Variants in CLIP2 observed in about 807,000 individuals in gnomAD.
CLIP2 encodes CAP-Gly domain containing linker protein 2.
A neutral mutation model predicts 111.7 loss-of-function variants in CLIP2; 41 were observed. The ratio of observed to expected loss-of-function variants is 0.37; its 90% CI spans 0.29 to 0.48. The LOEUF (loss-of-function observed/expected upper bound fraction) is 0.48. CLIP2 is among the 20% of genes least tolerant of loss of function. The pLI is 0.99. For missense variants in CLIP2, 1,160 were observed against 1,422.1 expected (o/e 0.82, Z 2.96); for synonymous variants, 660 against 644.2 (o/e 1.02, Z -0.37).
Position 74,370,284 on chromosome 7 carries a change from G to A in CLIP2, c.1381-2648G>A, listed in dbSNP as rs1306296017. Among the ~76,000 whole-genome samples, 4 of 151,412 alleles carry A rather than the reference G, an allele frequency of 2.6e-5. No homozygotes were observed. The East Asian group carries it at 7.8e-4, about 30-fold the overall frequency. ...ATCCTGGCTACCATGGTGAAACCCT[G>A]TCTCTACTAAAAATACAAAAAATTA... is the stretch of plus-strand genomic sequence containing the variant. On this transcript the variant is annotated intron_variant, in intron 8 of 16. Coordinates refer to ENST00000223398, the MANE Select transcript of CLIP2 (RefSeq NM_003388.5).
rs782548580 is a variant in CLIP2, at chr7:74,317,611, G to A, written c.65G>A (p.Arg22Gln). 5.2e-6 allele frequency: 8 copies of A among 1,524,980 alleles called. No individual in the cohort carries two copies. The highest frequency in any genetic ancestry group is 2.5e-5 in the East Asian group (1 of 39,312). 94.5% of individuals were successfully genotyped at this position (1,524,980 alleles called of 1,614,324 possible). A position where few individuals can be genotyped will look rare whatever the true frequency, so the allele number is the denominator to read the frequency against. ...GGGAAGCACTCCAGCCCCATGGGCC[G>A]GACATCTACTGGGTCAGCTTCATCC... ...RGGKHSSPMG[R>Q]TSTGSASSSA... Residue 22 changes from arginine (R) to glutamine (Q), a missense_variant, in exon 2 of 17, where the codon CGG becomes CAG. Physicochemically the swap from Arg to Gln is conservative, Grantham distance 43 (BLOSUM62 1). Transcript: ENST00000223398.
At chr7:74,392,307 C>T (rs1330280053) in intron 13 of CLIP2, among the ~76,000 whole-genome samples, 4 of 146,922 alleles carry the variant, frequency 2.7e-5, no homozygotes, top group African/African-American at 7.6e-5. Context: ...GCCAAGATCA[C>T]GCCGCTGCAC....
intron 1 of CLIP2, among the ~76,000 whole-genome samples, chr7:74,299,002 A>G (rs1554726402): frequency 6.6e-6 from 1 of 152,056 alleles, no homozygotes; most frequent in South Asian, 2.1e-4. Flanking sequence ...GATGACTAAC[A>G]TGCAGTTCCC....
chr7:74,304,033 C>T (rs1554727313), intron 1 of CLIP2, among the ~76,000 whole-genome samples: 1 of 151,954 alleles, frequency 6.6e-6, no homozygotes, highest in African/African-American at 2.4e-5. Context: ...CCCACCTTAG[C>T]CTCCTAAGTA....
At chr7:74,310,580 C>T (rs229878) in intron 1 of CLIP2, among the ~76,000 whole-genome samples, 90,672 of 151,964 alleles carry the variant, frequency 0.6, 29,703 homozygotes, top group Non-Finnish European at 0.74. Context: ...TGTACAGGCA[C>T]TGGTTGATGG....
chr7:74,309,622 C>T (rs1473627789), intron 1 of CLIP2, among the ~76,000 whole-genome samples: 5 of 151,300 alleles, frequency 3.3e-5, no homozygotes, highest in African/African-American at 1.2e-4. Context: ...CTTTGGGAGG[C>T]TGAGGCGGGT....
chr7:74,311,898 C>G (rs1788648235), intron 1 of CLIP2, among the ~76,000 whole-genome samples: 2 of 138,894 alleles, frequency 1.4e-5, no homozygotes, highest in Non-Finnish European at 3.1e-5. Flanking sequence ...GGCGATAGAG[C>G]AAGACCACAT....
intron 8 of CLIP2, 58 bp from the exon 9 acceptor site, chr7:74,372,874 C>T (rs1399541466): frequency 2.1e-5 from 9 of 437,276 alleles, no homozygotes; most frequent in East Asian, 1.5e-4. Context: ...CTTCCCTGTG[C>T]CCCCCTCCCT....
intron 13 of CLIP2, among the ~76,000 whole-genome samples, chr7:74,392,582 T>C (rs1356770325): frequency 6.6e-6 from 1 of 151,552 alleles, no homozygotes; most frequent in Non-Finnish European, 1.5e-5. Context: ...ATCCCAGCAC[T>C]TTGGGAGGCC....
At chr7:74,308,407 G>C (rs375535236) in intron 1 of CLIP2, among the ~76,000 whole-genome samples, 1 of 152,318 alleles carries the variant, frequency 6.6e-6, no homozygotes. Context: ...TCAGACCTGA[G>C]TGCTATGTCC....
At chr7:74,296,154 G>A (rs1554726073) in intron 1 of CLIP2, among the ~76,000 whole-genome samples, 1 of 151,538 alleles carries the variant, frequency 6.6e-6, no homozygotes, top group African/African-American at 2.4e-5. Context: ...ACCACAGGAG[G>A]AACCAGGGAG....
chr7:74,389,401 C>T, intron 13 of CLIP2, 142 bp downstream of exon 13: 1 of 785,284 alleles, frequency 1.3e-6, no homozygotes, highest in Non-Finnish European at 2.0e-6. Flanking sequence ...GATCACCCTG[C>T]TCTCCTCTAA....
At chr7:74,353,669 G>C (rs1408403391) in intron 3 of CLIP2, among the ~76,000 whole-genome samples, 1 of 152,198 alleles carries the variant, frequency 6.6e-6, no homozygotes, top group Non-Finnish European at 1.5e-5. Flanking sequence ...TGTCTTCAAA[G>C]CCTGTGCCCT....
At chr7:74,371,755 G>A (rs1483824131) in intron 8 of CLIP2, among the ~76,000 whole-genome samples, 2 of 151,100 alleles carry the variant, frequency 1.3e-5, no homozygotes, top group African/African-American at 4.9e-5. Context: ...AAGAGGGAGA[G>A]GGAGGAGAAG....
intron 4 of CLIP2, 71 bp from the exon 5 acceptor site, chr7:74,356,339 C>A: frequency 7.9e-7 from 1 of 1,257,976 alleles, no homozygotes; most frequent in Non-Finnish European, 1.2e-6. Flanking sequence ...TCTGAAGAGG[C>A]AGAGGAGGCA....
At chr7:74,295,617 C>T (rs370272756) in intron 1 of CLIP2, among the ~76,000 whole-genome samples, 4 of 152,154 alleles carry the variant, frequency 2.6e-5, no homozygotes, top group Middle Eastern at 3.2e-3. Flanking sequence ...AGAGGGAAGA[C>T]ATCTGAAAGG....
chr7:74,358,655 C>T (rs1355691755), intron 6 of CLIP2, among the ~76,000 whole-genome samples: 3 of 151,794 alleles, frequency 2.0e-5, no homozygotes, highest in Non-Finnish European at 2.9e-5. Flanking sequence ...CATCATAGCT[C>T]CACTCCTGGG....
chr7:74,313,377 G>A lies in CLIP2; in HGVS notation c.-67-4103G>A, dbSNP rs143828231. ...GATCGAGACCATCCTGGCTAACATGGTGAAACCCCGTCTCTACTAAAAAAT... is the reference window on the plus strand; with the variant it reads ...GATCGAGACCATCCTGGCTAACATGATGAAACCCCGTCTCTACTAAAAAAT... On this transcript the variant is annotated intron_variant, in intron 1 of 16. Coordinates refer to ENST00000223398, the MANE Select transcript of CLIP2 (RefSeq NM_003388.5). 1.6e-3 allele frequency among the ~76,000 whole-genome samples: 241 copies of A among 151,910 alleles called. 1 individual carries two copies. The highest frequency in any genetic ancestry group is 3.0e-3 in the Admixed American group (45 of 15,236).
chr7:74,356,687 G>C, intron 5 of CLIP2, 64 bp downstream of exon 5: 1 of 1,461,718 alleles, frequency 6.8e-7, no homozygotes, highest in African/African-American at 1.4e-5. Flanking sequence ...GGATGTAAGA[G>C]ATCCAGGTGT....
Sources: gnomAD v4.1 joint callset for allele counts (sites outside exome capture counted in the v4.1 genomes callset) on GRCh38, gnomAD v4.1.1 for gene constraint, MANE v1.5 for transcripts, NCBI Gene and HGNC (gene_info 2026-07-23, HGNC 2026-07-21) for gene names.